Variants in PLEKHM2 observed in about 807,000 individuals in gnomAD.
PLEKHM2 encodes pleckstrin homology domain-containing family M member 2.
In PLEKHM2, 77 loss-of-function variants were observed where a neutral mutation model predicts 116.3. The observed-to-expected ratio is 0.66, with a 90% confidence interval of 0.55 to 0.80. The LOEUF is 0.80. PLEKHM2 is among the 30% of genes least tolerant of loss of function. The probability of loss-of-function intolerance (pLI) is 0.00; values close to 1 mark genes in which losing one functional copy is unlikely to be tolerated. For synonymous variants in PLEKHM2, 562 were observed against 571.0 expected (o/e 0.98, Z 0.22); for missense variants, 1,183 against 1,354.9 (o/e 0.87, Z 1.99).
chr1:15,715,496 C>G (rs1407263017), intron 1 of PLEKHM2, among the ~76,000 whole-genome samples: 1 of 152,096 alleles, frequency 6.6e-6, no homozygotes, highest in Non-Finnish European at 1.5e-5. Context: ...AAAAAATTAG[C>G]TGGGCATGGT....
chr1:15,725,047 CG>C (rs1173205700), intron 7 of PLEKHM2, among the ~76,000 whole-genome samples: 4 of 152,174 alleles, frequency 2.6e-5, no homozygotes, highest in African/African-American at 9.7e-5. Flanking sequence ...TGCTTCACCG[CG>C]GGGGCCCTTA....
At chr1:15,725,819 G>A in intron 8 of PLEKHM2, 1 of 488,254 alleles carries the variant, frequency 2.0e-6, no homozygotes, top group East Asian at 3.5e-5. Context: ...TCCGAGGTCA[G>A]GGTGCCGGTG....
chr1:15,685,824 T>C (rs1571012283), intron 1 of PLEKHM2, among the ~76,000 whole-genome samples: 1 of 152,338 alleles, frequency 6.6e-6, no homozygotes, highest in South Asian at 2.1e-4. Flanking sequence ...TAAAGTAACA[T>C]TGCAGAGATC....
chr1:15,724,481 CAA>C (rs570441692), intron 7 of PLEKHM2, among the ~76,000 whole-genome samples: 73 of 118,466 alleles, frequency 6.2e-4, no homozygotes, highest in African/African-American at 1.7e-3. Context: ...GACTCCGTCT[CAA>C]AAAAAAAAAA....
intron 1 of PLEKHM2, among the ~76,000 whole-genome samples, chr1:15,694,771 T>C (rs1266916956): frequency 6.6e-6 from 1 of 151,814 alleles, no homozygotes; most frequent in Non-Finnish European, 1.5e-5. Context: ...TTTTTTTTGT[T>C]TTTTGAGACA....
chr1:15,717,840 A>C, intron 3 of PLEKHM2, 53 bp from the exon 4 acceptor site: 1 of 1,176,328 alleles, frequency 8.5e-7, no homozygotes, highest in Non-Finnish European at 1.2e-6. Context: ...TGGCAAATAA[A>C]AGCCAGCAGT....
rs2148361337 is a variant in PLEKHM2, at chr1:15,719,988, C to G, written c.652+68C>G. 1 of 1,294,714 alleles carries G rather than the reference C, an allele frequency of 7.7e-7. No homozygotes were observed. Among genetic ancestry groups the G allele is most frequent in the South Asian group, 1.5e-5 (1 of 67,214 alleles). 80.2% of individuals were successfully genotyped at this position (1,294,714 alleles called of 1,614,324 possible). On this transcript the variant is annotated intron_variant, in intron 6 of 19. Coordinates refer to ENST00000375799, the MANE Select transcript of PLEKHM2 (RefSeq NM_015164.4). The surrounding 1 kb of genome is among the most constrained non-coding windows in gnomAD (Gnocchi z 4.1). ...ACAGACTTGAACTGCTTAAGCCTGG[C>G]TGGGTGATGTCTTCCTTGGCTAGTT...
chr1:15,728,134 G>A lies in PLEKHM2; in HGVS notation c.1816G>A (p.Glu606Lys), dbSNP rs751250045. The change falls in exon 10 of 20, where the codon GAG (glutamate) becomes AAG (lysine). Residue 606 changes from glutamate to lysine, a missense_variant. Physicochemically the swap from Glu to Lys is moderately conservative, Grantham distance 56. This residue lies in a region of PLEKHM2 where 594 missense variants were observed against 720.1 expected (regional missense o/e 0.82). Transcript: ENST00000375799. This position sits in a 1 kb window ranked among gnomAD's most constrained non-coding sequence, Gnocchi z 5.9. ...LMIHVFRENEEQLFKMIRMST... is the reference protein window; with the variant it reads ...LMIHVFRENEKQLFKMIRMST... ...GATCCACGTGTTCCGAGAAAACGAA[G>A]AGCAGCTGTTCAAAGTAAGTCCTAG... The A allele has an allele frequency of 6.2e-7, 1 of 1,611,270 alleles. No individual in the cohort carries two copies. The highest frequency in any genetic ancestry group is 8.5e-7 in the Non-Finnish European group (1 of 1,178,670).
intron 1 of PLEKHM2, among the ~76,000 whole-genome samples, chr1:15,703,009 C>T (rs562861678): frequency 1.9e-4 from 29 of 152,320 alleles, no homozygotes; most frequent in African/African-American, 5.8e-4. Context: ...GAATTACAGG[C>T]GTGAGCCACA....
chr1:15,727,290 G>A lies in PLEKHM2; in HGVS notation c.1218G>A (p.Leu406=), dbSNP rs1010618924. ...PEMKDTSMER[L]GQPLSKVIDQ... is the part of the protein sequence containing the mutation. ...TGAAGGACACCTCCATGGAGCGCTT[G>A]GGGCAGCCCCTGAGCAAGGTTATCG... Residue 406 remains leucine (L), a synonymous_variant, in exon 9 of 20, where the codon TTG becomes TTA. Coordinates refer to ENST00000375799, the MANE Select transcript of PLEKHM2 (RefSeq NM_015164.4). The surrounding 1 kb of genome is among the most constrained non-coding windows in gnomAD (Gnocchi z 7.5). The A allele has an allele frequency of 1.7e-5, 28 of 1,605,206 alleles. No individual in the cohort carries two copies. Among genetic ancestry groups the A allele is most frequent in the Non-Finnish European group, 2.4e-5 (28 of 1,176,918 alleles).
chr1:15,726,594 C>T (rs76245868), intron 8 of PLEKHM2, among the ~76,000 whole-genome samples: 24 of 152,316 alleles, frequency 1.6e-4, no homozygotes, highest in Non-Finnish European at 3.1e-4. Context: ...TGGGTGATTC[C>T]TCCATGATGA....
chr1:15,685,749 G>A (rs756895550), intron 1 of PLEKHM2, among the ~76,000 whole-genome samples: 6 of 152,124 alleles, frequency 3.9e-5, no homozygotes, highest in Non-Finnish European at 8.8e-5. Flanking sequence ...AAAGATAAAT[G>A]TGACTTAAAA....
At chr1:15,704,862 G>T (rs1469945258) in intron 1 of PLEKHM2, among the ~76,000 whole-genome samples, 2 of 152,198 alleles carry the variant, frequency 1.3e-5, no homozygotes, top group Non-Finnish European at 2.9e-5. Flanking sequence ...CACCTCGCTG[G>T]CTGTGCCTTC....
upstream of PLEKHM2, among the ~76,000 whole-genome samples, chr1:15,682,088 C>T (rs1640655789): frequency 6.6e-6 from 1 of 152,030 alleles, no homozygotes; most frequent in Non-Finnish European, 1.5e-5. Flanking sequence ...CTCTCAGCTA[C>T]TGGGGAGGCT....
Position 15,708,908 on chromosome 1 carries a change from G to A in PLEKHM2, c.61-7329G>A, listed in dbSNP as rs1403170688. The stretch of plus-strand genomic sequence containing the variant: ...CATCATAGCTGCTAACATTTGTTAA[G>A]TGTTTACGATGTATCATGTACTTGG... On this transcript the variant is annotated intron_variant, in intron 1 of 19. Coordinates refer to ENST00000375799, the MANE Select transcript of PLEKHM2 (RefSeq NM_015164.4). 2.0e-5 allele frequency among the ~76,000 whole-genome samples: 3 copies of A among 152,210 alleles called. No homozygotes were observed. The South Asian group carries it at 6.2e-4, about 32-fold the overall frequency.
chr1:15,733,696 G>A (rs2068180158), intron 19 of PLEKHM2, 101 bp from the exon 20 acceptor site: 1 of 1,287,902 alleles, frequency 7.8e-7, no homozygotes, highest in Admixed American at 2.2e-5. Context: ...GCCTGACAGG[G>A]GCTCCGTGGC....
intron 6 of PLEKHM2, chr1:15,720,593 C>T: frequency 2.2e-6 from 1 of 452,548 alleles, no homozygotes; most frequent in Non-Finnish European, 2.9e-6. Flanking sequence ...CCCTCTTTAT[C>T]TCCTGTAGGA....
In PLEKHM2 at chr1:15,727,373, A is replaced by G; in HGVS notation, c.1301A>G (p.Asp434Gly). The change falls in exon 9 of 20, where the codon GAC becomes GGC. Residue 434 changes from aspartate (D) to glycine (G), a missense_variant. Physicochemically the swap from Asp to Gly is moderately conservative, Grantham distance 94. Transcript: ENST00000375799. This position sits in a 1 kb window ranked among gnomAD's most constrained non-coding sequence, Gnocchi z 7.5. ...STWCSRAEPP[D>G]QSFRTGSPGD... Reference sequence around the variant, plus strand: ...TGGTGCTCCCGTGCTGAGCCCCCAGACCAGTCCTTTCGGACCGGCTCTCCC... The same window carrying G: ...TGGTGCTCCCGTGCTGAGCCCCCAGGCCAGTCCTTTCGGACCGGCTCTCCC... 1 of 1,602,240 alleles carries G rather than the reference A, an allele frequency of 6.2e-7. No individual in the cohort carries two copies. The highest frequency in any genetic ancestry group is 8.5e-7 in the Non-Finnish European group (1 of 1,175,206).
chr1:15,685,124 G>A (rs1640741924), intron 1 of PLEKHM2, among the ~76,000 whole-genome samples: 1 of 152,262 alleles, frequency 6.6e-6, no homozygotes, highest in African/African-American at 2.4e-5. Context: ...TCTTGCTCAA[G>A]GATGGTAGCT....
Sources: gnomAD v4.1 joint callset for allele counts (sites outside exome capture counted in the v4.1 genomes callset) on GRCh38, gnomAD v4.1.1 for gene constraint, gnomAD v4.1.1 regional missense constraint, Gnocchi (gnomAD v3.1) non-coding constraint, MANE v1.5 for transcripts, NCBI Gene and HGNC (gene_info 2026-07-23, HGNC 2026-07-21) for gene names.